The following HMGCLL1 variants were observed in gnomAD, a reference collection of about 807,000 sequenced individuals.
HMGCLL1 encodes 3-hydroxymethyl-3-methylglutaryl-CoA lyase, cytoplasmic.
HMGCLL1 carries 36 observed loss-of-function variants against 39.1 expected under a neutral mutation model. That is an observed-to-expected ratio of 0.92 (90% CI 0.71 to 1.22). The LOEUF (loss-of-function observed/expected upper bound fraction) is 1.22, where lower values mean the gene tolerates loss of function less well. HMGCLL1 is among the 50% of genes most tolerant of loss of function. The probability of loss-of-function intolerance (pLI) is 0.00; values close to 1 mark genes in which losing one functional copy is unlikely to be tolerated. For synonymous variants in HMGCLL1, 149 were observed against 144.0 expected (o/e 1.03, Z -0.25); for missense variants, 451 against 416.5 (o/e 1.08, Z -0.72).
the HMGCLL1 span, among the ~76,000 whole-genome samples, chr6:55,647,241 T>C: frequency 5.3e-3 from 806 of 152,108 alleles, 5 homozygotes; most frequent in African/African-American, 0.017. Flanking sequence ...TGGTTTCCAT[T>C]TGCACAGAAT....
At chr6:55,532,701 T>G (rs1276015676) in intron 3 of HMGCLL1, among the ~76,000 whole-genome samples, 1 of 151,626 alleles carries the variant, frequency 6.6e-6, no homozygotes, top group Non-Finnish European at 1.5e-5. Flanking sequence ...CTTGAGAGGC[T>G]GAAGCAGGAG....
chr6:55,654,005 A>AG, the HMGCLL1 span, among the ~76,000 whole-genome samples: 5 of 152,146 alleles, frequency 3.3e-5, no homozygotes, highest in East Asian at 9.7e-4. Flanking sequence ...GGTAGGAAAG[A>AG]GGGCAGTATT....
the HMGCLL1 span, among the ~76,000 whole-genome samples, chr6:55,599,552 C>A: frequency 6.6e-6 from 1 of 152,074 alleles, no homozygotes; most frequent in Non-Finnish European, 1.5e-5. Context: ...TTCTGATTCC[C>A]AAACTGCAAG....
the HMGCLL1 span, among the ~76,000 whole-genome samples, chr6:55,678,627 TAAAAAC>T: frequency 6.6e-6 from 1 of 152,028 alleles, no homozygotes; most frequent in Admixed American, 6.6e-5. Flanking sequence ...AGCAGTTAGT[TAAAAAC>T]AAAAACAAAC....
In HMGCLL1 at chr6:55,543,149, T is replaced by G. The variant is rs374325706; in HGVS notation, c.109-1009A>C. 2.0e-3 allele frequency among the ~76,000 whole-genome samples: 7 copies of G among 3,550 alleles called. 2 individuals are homozygous for G. Among genetic ancestry groups the G allele is most frequent in the Non-Finnish European group, 3.9e-3 (7 of 1,816 alleles). 2.3% of individuals were successfully genotyped at this position (3,550 alleles called of 152,430 possible). A position where few individuals can be genotyped will look rare whatever the true frequency, so the allele number is the denominator to read the frequency against. ...ATCATATATATGATATATTATATAT[T>G]ATATATATTATATATATAATATATA... is the stretch of plus-strand genomic sequence containing the variant. On this transcript the variant is annotated intron_variant, in intron 1 of 8. Transcript: ENST00000274901.
chr6:55,619,921 A>T, the HMGCLL1 span, among the ~76,000 whole-genome samples: 1 of 152,084 alleles, frequency 6.6e-6, no homozygotes, highest in Admixed American at 6.6e-5. Flanking sequence ...AGTTCCCACA[A>T]ATATTAAGAA....
the HMGCLL1 span, among the ~76,000 whole-genome samples, chr6:55,623,088 A>T: frequency 6.6e-6 from 1 of 151,854 alleles, no homozygotes; most frequent in African/African-American, 2.4e-5. Context: ...TTGAATTTCT[A>T]TCAGTTATAA....
At chr6:55,630,513 G>A in the HMGCLL1 span, among the ~76,000 whole-genome samples, 1 of 152,068 alleles carries the variant, frequency 6.6e-6, no homozygotes, top group Non-Finnish European at 1.5e-5. Flanking sequence ...GGACTGTTTG[G>A]AAGGCATGAT....
rs1037244638 is a variant in HMGCLL1, at chr6:55,538,638, G to A, written c.297+3091C>T. Among the ~76,000 whole-genome samples the A allele has an allele frequency of 7.9e-5, 12 of 152,174 alleles. No homozygotes were observed. The Middle Eastern group carries it at 0.01, about 129-fold the overall frequency. ...AACAAAGTGAGAGTCAATTGCCGAT[G>A]CCAGAGAATTGAAAGTAATATGGTA... On this transcript the variant is annotated intron_variant, in intron 3 of 8. Coordinates refer to ENST00000274901, the MANE Select transcript of HMGCLL1 (RefSeq NM_001042406.2).
chr6:55,514,336 C>T (rs1767624822), intron 4 of HMGCLL1, 140 bp from the exon 5 acceptor site: 1 of 582,706 alleles, frequency 1.7e-6, no homozygotes. Context: ...GGATTCCTCT[C>T]ATCTTGCCAC....
chr6:55,623,897 A>G, the HMGCLL1 span, among the ~76,000 whole-genome samples: 1 of 152,124 alleles, frequency 6.6e-6, no homozygotes, highest in East Asian at 1.9e-4. Context: ...GCACTTGGGA[A>G]ATGACAACAG....
Position 55,579,028 on chromosome 6 carries a change from G to C in HMGCLL1, c.28C>G (p.His10Asp), listed in dbSNP as rs1298444360. 6.2e-7 allele frequency: 1 copy of C among 1,612,802 alleles called. No homozygotes were observed. The highest frequency in any genetic ancestry group is 1.1e-5 in the South Asian group (1 of 90,756). Reference protein sequence around the residue: MGNVPSAVKHCLSYQQLLRE... With the variant: MGNVPSAVKDCLSYQQLLRE... Reference sequence around the variant, plus strand: ...AGAAGCTGCTGGTAGCTGAGGCAGTGCTTCACCGCGGATGGCACATTCCCC... The same window carrying C: ...AGAAGCTGCTGGTAGCTGAGGCAGTCCTTCACCGCGGATGGCACATTCCCC... Residue 10 changes from histidine to aspartate, a missense_variant, in exon 1 of 9, where the codon CAC (histidine) becomes GAC (aspartate). His to Asp is a moderately conservative substitution (Grantham distance 81, BLOSUM62 -1). Coordinates refer to ENST00000274901, the MANE Select transcript of HMGCLL1 (RefSeq NM_001042406.2).
chr6:55,442,168 C>T lies in HMGCLL1; in HGVS notation c.796-2609G>A, dbSNP rs2127382179. ...TGAGGTGGTGTCTGCCAGGTATCTG[C>T]ACTATAAAGTCTCCCCACAGTCTTT... On this transcript the variant is annotated intron_variant, in intron 7 of 8. Transcript: ENST00000274901. 2.0e-5 allele frequency among the ~76,000 whole-genome samples: 3 copies of T among 152,160 alleles called. No homozygotes were observed. In the East Asian group the frequency reaches 5.8e-4, roughly 29 times the overall value.
the HMGCLL1 span, among the ~76,000 whole-genome samples, chr6:55,602,373 C>T: frequency 6.6e-6 from 1 of 151,950 alleles, no homozygotes; most frequent in African/African-American, 2.4e-5. Flanking sequence ...TCTAAAATTA[C>T]ATTTTCCTTT....
At chr6:55,593,738 C>T in the HMGCLL1 span, among the ~76,000 whole-genome samples, 1 of 152,048 alleles carries the variant, frequency 6.6e-6, no homozygotes, top group East Asian at 1.9e-4. Context: ...TAATAACAAC[C>T]TATACCTAAC....
the HMGCLL1 span, among the ~76,000 whole-genome samples, chr6:55,611,313 G>T: frequency 1.3e-5 from 2 of 152,050 alleles, no homozygotes; most frequent in African/African-American, 2.4e-5. Context: ...AAGCTAGAAA[G>T]ATCTCAAATA....
chr6:55,617,816 A>G, the HMGCLL1 span, among the ~76,000 whole-genome samples: 1 of 152,082 alleles, frequency 6.6e-6, no homozygotes, highest in African/African-American at 2.4e-5. Flanking sequence ...ATGCCCAAGA[A>G]TATATGTACA....
At chr6:55,641,517 T>A in the HMGCLL1 span, among the ~76,000 whole-genome samples, 1 of 152,092 alleles carries the variant, frequency 6.6e-6, no homozygotes. Context: ...CAAATAGATA[T>A]GCTTTTCTGA....
intron 7 of HMGCLL1, among the ~76,000 whole-genome samples, chr6:55,464,146 T>G (rs555834326): frequency 2.6e-4 from 40 of 152,274 alleles, no homozygotes; most frequent in Non-Finnish European, 4.7e-4. Flanking sequence ...TCCAAGAGAA[T>G]TTAATTCTCT....
Sources: allele counts gnomAD v4.1 joint callset (sites outside exome capture counted in the v4.1 genomes callset), GRCh38; gene constraint gnomAD v4.1.1; transcripts MANE v1.5; gene names NCBI Gene and HGNC (gene_info 2026-07-23, HGNC 2026-07-21).